The following MACROD2 variants were observed in gnomAD, a reference collection of about 807,000 sequenced individuals.
MACROD2 encodes the protein mono-ADP ribosylhydrolase 2.
Under a neutral mutation model 70.4 loss-of-function variants are expected in MACROD2, and 36 were observed. The ratio of observed to expected loss-of-function variants is 0.51; its 90% CI spans 0.39 to 0.68. MACROD2 has a LOEUF of 0.68. MACROD2 is among the 30% of genes least tolerant of loss of function. The pLI is 0.00. For missense variants in MACROD2, 496 were observed against 538.4 expected (o/e 0.92, Z 0.78); for synonymous variants, 172 against 178.8 (o/e 0.96, Z 0.30).
intron 5 of MACROD2, among the ~76,000 whole-genome samples, chr20:14,949,598 G>A (rs1215605701): frequency 6.6e-6 from 1 of 152,156 alleles, no homozygotes; most frequent in Non-Finnish European, 1.5e-5. Context: ...TGTCCAATCT[G>A]ATTGCCTGGT....
At chr20:15,929,482 G>T (rs1352633131) in intron 10 of MACROD2, among the ~76,000 whole-genome samples, 1 of 151,636 alleles carries the variant, frequency 6.6e-6, no homozygotes. Flanking sequence ...GGGGACTGAA[G>T]AATTAAGACC....
At chr20:15,452,346 G>A (rs569415677) in intron 7 of MACROD2, among the ~76,000 whole-genome samples, 7 of 152,100 alleles carry the variant, frequency 4.6e-5, no homozygotes, top group Non-Finnish European at 8.8e-5. Flanking sequence ...ATCCTGAGAG[G>A]TAGATGCTGA....
At position 16,011,386 on chromosome 20, in the gene MACROD2, A is replaced by G. The variant is rs574635393; in HGVS notation, c.1153+24228A>G. 2.0e-5 allele frequency among the ~76,000 whole-genome samples: 3 copies of G among 152,328 alleles called. No homozygotes were observed. The South Asian group carries it at 6.2e-4, about 32-fold the overall frequency. On this transcript the variant is annotated intron_variant, in intron 15 of 17. Coordinates refer to ENST00000684519, the MANE Select transcript of MACROD2 (RefSeq NM_001351661.2). ...CTTCTGCCTGACATCTCTGAGGTAG[A>G]TGCAAAGTCCCAGTTGTCCAGAGTT...
chr20:15,223,318 G>T (rs1030154574), intron 5 of MACROD2, among the ~76,000 whole-genome samples: 1 of 152,166 alleles, frequency 6.6e-6, no homozygotes, highest in African/African-American at 2.4e-5. Context: ...CACAAAGGCT[G>T]CTTTTCCTTT....
At chr20:15,877,457 T>C (rs927786660) in intron 9 of MACROD2, among the ~76,000 whole-genome samples, 56 of 151,752 alleles carry the variant, frequency 3.7e-4, no homozygotes, top group African/African-American at 1.3e-3. Flanking sequence ...AAAAGTTCCC[T>C]TTTTTTTAAA....
chr20:15,811,083 A>G (rs555534682), intron 8 of MACROD2, among the ~76,000 whole-genome samples: 1,728 of 152,024 alleles, frequency 0.011, 22 homozygotes, highest in Non-Finnish European at 0.014. Context: ...CAAAATTGAC[A>G]AATGGGATCT....
chr20:15,409,216 C>T (rs962176538), intron 6 of MACROD2, among the ~76,000 whole-genome samples: 1 of 152,178 alleles, frequency 6.6e-6, no homozygotes, highest in African/African-American at 2.4e-5. Flanking sequence ...AAACCTCTCC[C>T]TCATCATTTT....
chr20:14,720,299 T>A (rs2071449279), intron 5 of MACROD2, among the ~76,000 whole-genome samples: 1 of 152,250 alleles, frequency 6.6e-6, no homozygotes, highest in African/African-American at 2.4e-5. Flanking sequence ...AAACAAGTAC[T>A]TTTTGTTAAA....
At chr20:15,309,311 A>G (rs770288565) in intron 6 of MACROD2, among the ~76,000 whole-genome samples, 1 of 152,216 alleles carries the variant, frequency 6.6e-6, no homozygotes, top group African/African-American at 2.4e-5. Flanking sequence ...GGGGGTGGCC[A>G]TTATCTTTTC....
intron 8 of MACROD2, among the ~76,000 whole-genome samples, chr20:15,631,850 ACAGT>A (rs2049295867): frequency 6.6e-6 from 1 of 152,166 alleles, no homozygotes; most frequent in South Asian, 2.1e-4. Context: ...GATTTTGAAA[ACAGT>A]CAGCTGGGCA....
chr20:15,271,379 T>A (rs1210840890), intron 6 of MACROD2, among the ~76,000 whole-genome samples: 1 of 152,172 alleles, frequency 6.6e-6, no homozygotes, highest in Non-Finnish European at 1.5e-5. Flanking sequence ...TACCTCCTAA[T>A]ACCATCAACT....
chr20:14,438,694 C>A (rs921127660), intron 3 of MACROD2, among the ~76,000 whole-genome samples: 1 of 152,110 alleles, frequency 6.6e-6, no homozygotes, highest in Non-Finnish European at 1.5e-5. Context: ...TACCAGTTAG[C>A]CATTTTTATG....
At chr20:15,714,223 GA>G (rs1455500130) in intron 8 of MACROD2, among the ~76,000 whole-genome samples, 1 of 152,148 alleles carries the variant, frequency 6.6e-6, no homozygotes, top group Non-Finnish European at 1.5e-5. Flanking sequence ...ACAGAACTAA[GA>G]TGATTTAAGT....
intron 5 of MACROD2, among the ~76,000 whole-genome samples, chr20:14,810,693 A>G (rs998795902): frequency 6.6e-6 from 1 of 152,010 alleles, no homozygotes; most frequent in Admixed American, 6.6e-5. Context: ...AGAAAACCCC[A>G]TCGTCAGCCC....
At chr20:14,432,153 T>G (rs2084001647) in intron 3 of MACROD2, among the ~76,000 whole-genome samples, 1 of 152,178 alleles carries the variant, frequency 6.6e-6, no homozygotes. Flanking sequence ...CCTGCTGTTA[T>G]CACGGCACTT....
At chr20:15,699,774 T>A (rs2050429598) in intron 8 of MACROD2, among the ~76,000 whole-genome samples, 1 of 152,178 alleles carries the variant, frequency 6.6e-6, no homozygotes, top group African/African-American at 2.4e-5. Context: ...GCCAGGAGGC[T>A]TCTCAGCTCA....
chr20:14,245,582 T>A (rs938190362), intron 3 of MACROD2, among the ~76,000 whole-genome samples: 2 of 152,132 alleles, frequency 1.3e-5, no homozygotes, highest in African/African-American at 4.8e-5. Flanking sequence ...CTTATGTTAC[T>A]TCATCCACAA....
At chr20:14,059,002 T>TTG (rs2053662977) in intron 2 of MACROD2, among the ~76,000 whole-genome samples, 1 of 152,230 alleles carries the variant, frequency 6.6e-6, no homozygotes, top group Non-Finnish European at 1.5e-5. Context: ...TTCTCATGCT[T>TTG]CATTGCTGTT....
chr20:14,194,984 C>T (rs1204171242), intron 3 of MACROD2, among the ~76,000 whole-genome samples: 1 of 152,092 alleles, frequency 6.6e-6, no homozygotes, highest in African/African-American at 2.4e-5. Flanking sequence ...GAAAATGTAT[C>T]TAGTCTGCAA....
Sources: allele counts gnomAD v4.1 joint callset (sites outside exome capture counted in the v4.1 genomes callset), GRCh38; gene constraint gnomAD v4.1.1; transcripts MANE v1.5; gene names NCBI Gene and HGNC (gene_info 2026-07-23, HGNC 2026-07-21).